Variants in CRPPA observed in about 807,000 individuals in gnomAD.
CRPPA encodes D-ribitol-5-phosphate cytidylyltransferase.
A neutral mutation model predicts 52.0 loss-of-function variants in CRPPA; 43 were observed. The observed-to-expected ratio is 0.83, with a 90% CI of 0.65 to 1.07. The LOEUF is 1.07. Among genes scored for constraint, CRPPA ranks in the 50% least tolerant of loss-of-function variants. The pLI is 0.00. For missense variants in CRPPA, 629 were observed against 551.7 expected (o/e 1.14, Z -1.40); for synonymous variants, 250 against 203.5 (o/e 1.23, Z -1.94).
At chr7:16,256,081 T>A (rs1293074655) in intron 8 of CRPPA, among the ~76,000 whole-genome samples, 1 of 152,122 alleles carries the variant, frequency 6.6e-6, no homozygotes, top group Non-Finnish European at 1.5e-5. Context: ...CACAAGGAAC[T>A]TAAACAAATT....
chr7:16,210,235 C>A (rs554391094), intron 9 of CRPPA, among the ~76,000 whole-genome samples: 2 of 152,054 alleles, frequency 1.3e-5, no homozygotes, highest in African/African-American at 4.8e-5. Flanking sequence ...CCTATAAATC[C>A]CTTAATCTTA....
intron 9 of CRPPA, among the ~76,000 whole-genome samples, chr7:16,200,161 T>C (rs1267191042): frequency 6.6e-6 from 1 of 152,154 alleles, no homozygotes; most frequent in Admixed American, 6.6e-5. Context: ...CCCGGCCAGA[T>C]CTGTAGACTT....
intron 9 of CRPPA, among the ~76,000 whole-genome samples, chr7:16,159,157 C>T (rs1175475490): frequency 6.6e-6 from 1 of 152,076 alleles, no homozygotes; most frequent in Non-Finnish European, 1.5e-5. Context: ...TGGCTCACAC[C>T]TGTAATCCCA....
intron 8 of CRPPA, among the ~76,000 whole-genome samples, chr7:16,237,834 A>G (rs542256753): frequency 1.2e-4 from 18 of 152,280 alleles, no homozygotes; most frequent in African/African-American, 3.4e-4. Context: ...GGCTCTTTCT[A>G]ATTCCAACCA....
intron 9 of CRPPA, among the ~76,000 whole-genome samples, chr7:16,204,577 A>T (rs1781927560): frequency 6.6e-6 from 1 of 152,156 alleles, no homozygotes; most frequent in African/African-American, 2.4e-5. Flanking sequence ...CCACTACACA[A>T]CATACGCATG....
intron 8 of CRPPA, among the ~76,000 whole-genome samples, chr7:16,239,336 T>C (rs149020008): frequency 0.012 from 1,842 of 151,924 alleles, 16 homozygotes; most frequent in Non-Finnish European, 0.018. Flanking sequence ...TTTTACAAGT[T>C]ACATTTATAC....
intron 3 of CRPPA, among the ~76,000 whole-genome samples, chr7:16,341,370 G>A (rs1205403102): frequency 6.6e-6 from 1 of 151,882 alleles, no homozygotes; most frequent in Non-Finnish European, 1.5e-5. Context: ...GGGCTATAAA[G>A]GATCTCTCTG....
Position 16,286,066 on chromosome 7 carries a change from T to TAATATTTAAAAAA in CRPPA, c.836-7841_836-7840insTTTTTTAAATATT, listed in dbSNP as rs1562608529. On this transcript the variant is annotated intron_variant, in intron 5 of 9. Coordinates refer to ENST00000407010, the MANE Select transcript of CRPPA (RefSeq NM_001101426.4). ...ATAAATATATATATATATATATATATATATATATATATATAATATTTAAAA... is the reference window on the plus strand; with the variant it reads ...ATAAATATATATATATATATATATATAATATTTAAAAAAATATATATATATATAATATTTAAAA... Among the ~76,000 whole-genome samples, 8 of 25,826 alleles carry TAATATTTAAAAAA rather than the reference T, an allele frequency of 3.1e-4. 1 individual carries two copies. The highest frequency in any genetic ancestry group is 5.4e-4 in the Admixed American group (1 of 1,854). The allele number at this position is 25,826 out of a possible 152,430, so 16.9% of individuals were successfully genotyped here.
chr7:16,281,618 T>C (rs957760509), intron 5 of CRPPA, among the ~76,000 whole-genome samples: 69 of 152,320 alleles, frequency 4.5e-4, no homozygotes, highest in Middle Eastern at 3.4e-3. Context: ...TATTCGCACA[T>C]AATGAGTTGG....
intron 9 of CRPPA, among the ~76,000 whole-genome samples, chr7:16,135,494 C>T (rs1382006143): frequency 2.0e-5 from 3 of 152,030 alleles, no homozygotes; most frequent in Non-Finnish European, 4.4e-5. Flanking sequence ...TTCTTCAATC[C>T]CTTTTGGAAT....
chr7:16,173,769 C>A (rs1183186309), intron 9 of CRPPA, among the ~76,000 whole-genome samples: 2 of 152,062 alleles, frequency 1.3e-5, no homozygotes, highest in African/African-American at 4.8e-5. Context: ...GCATAAGGAA[C>A]AGAGAATAGA....
At chr7:16,156,395 T>C (rs1037862619) in intron 9 of CRPPA, among the ~76,000 whole-genome samples, 8 of 152,186 alleles carry the variant, frequency 5.3e-5, no homozygotes, top group Non-Finnish European at 1.2e-4. Flanking sequence ...TCTTTTCTGA[T>C]AGTGTTCATG....
chr7:16,380,617 T>C (rs1787058286), intron 2 of CRPPA, among the ~76,000 whole-genome samples: 1 of 152,214 alleles, frequency 6.6e-6, no homozygotes, highest in Non-Finnish European at 1.5e-5. Flanking sequence ...ATCCATCTGG[T>C]CCTGGACTCT....
intron 9 of CRPPA, among the ~76,000 whole-genome samples, chr7:16,191,263 C>T (rs978107456): frequency 2.0e-5 from 3 of 152,028 alleles, no homozygotes; most frequent in African/African-American, 7.2e-5. Context: ...AATGAAGACC[C>T]CCTTTCAACT....
Position 16,406,093 on chromosome 7 carries a change from G to A in CRPPA, c.502C>T (p.Leu168Phe). 1.2e-6 allele frequency: 2 copies of A among 1,613,774 alleles called. No homozygotes were observed. The highest frequency in any genetic ancestry group is 1.1e-5 in the South Asian group (1 of 91,052). ...VRPFVEEGVL[L>F]KVVTAAKEHG... ...TCCTTAGCAGCTGTGACAACTTTAA[G>A]AAGGACACCTTCCTCAACAAATGGT... The change falls in exon 2 of 10, where the codon CTT becomes TTT. Residue 168 changes from leucine to phenylalanine, a missense_variant. Leu to Phe is a conservative substitution (Grantham distance 22). Transcript: ENST00000407010.
At chr7:16,243,188 G>C (rs1047157424) in intron 8 of CRPPA, among the ~76,000 whole-genome samples, 1 of 152,140 alleles carries the variant, frequency 6.6e-6, no homozygotes, top group African/African-American at 2.4e-5. Context: ...GTAAGTGTTT[G>C]GAAGTTCCTC....
chr7:16,212,617 C>T (rs529714718), intron 9 of CRPPA, among the ~76,000 whole-genome samples: 9 of 152,282 alleles, frequency 5.9e-5, no homozygotes, highest in South Asian at 2.1e-4. Context: ...GAAAGAAAAA[C>T]CAGGCTCAGT....
chr7:16,358,974 C>T (rs1216516688), intron 3 of CRPPA, among the ~76,000 whole-genome samples: 1 of 152,134 alleles, frequency 6.6e-6, no homozygotes, highest in Admixed American at 6.5e-5. Flanking sequence ...TTTGTTAAAT[C>T]CATAATGTCT....
chr7:16,382,837 C>T (rs1489935004), intron 2 of CRPPA, among the ~76,000 whole-genome samples: 1 of 152,156 alleles, frequency 6.6e-6, no homozygotes, highest in African/African-American at 2.4e-5. Flanking sequence ...TGGCTTTCAG[C>T]TCCATCAGCT....
Sources: allele counts gnomAD v4.1 joint callset (sites outside exome capture counted in the v4.1 genomes callset), GRCh38; gene constraint gnomAD v4.1.1; transcripts MANE v1.5; gene names NCBI Gene and HGNC (gene_info 2026-07-23, HGNC 2026-07-21).